Variants in LAMA2 observed in about 807,000 individuals in gnomAD.
LAMA2 encodes laminin subunit alpha-2.
LAMA2 carries 269 observed loss-of-function variants against 364.8 expected under a neutral mutation model. The observed-to-expected ratio is 0.74, with a 90% CI of 0.67 to 0.82. The LOEUF is 0.82. Among genes scored for constraint, LAMA2 ranks in the 40% least tolerant of loss-of-function variants. LAMA2 has a pLI of 0.00. For missense variants in LAMA2, 3,807 were observed against 3,873.2 expected (o/e 0.98, Z 0.45); for synonymous variants, 1,379 against 1,370.6 (o/e 1.01, Z -0.14).
chr6:129,275,409 T>A (rs1788238366), intron 17 of LAMA2, among the ~76,000 whole-genome samples: 2 of 152,010 alleles, frequency 1.3e-5, no homozygotes, highest in African/African-American at 4.8e-5. Context: ...AACTCATATA[T>A]TTTGACTCAC....
chr6:129,480,513 C>T (rs9483035), intron 54 of LAMA2, among the ~76,000 whole-genome samples: 48,645 of 151,782 alleles, frequency 0.32, 8,380 homozygotes, highest in African/African-American at 0.45. Flanking sequence ...ATTTTAAATA[C>T]AGGGAGGAGG....
intron 33 of LAMA2, among the ~76,000 whole-genome samples, chr6:129,367,408 T>A (rs939631271): frequency 1.3e-5 from 2 of 152,164 alleles, no homozygotes; most frequent in African/African-American, 2.4e-5. Context: ...AATCAAGCAA[T>A]TAGCAAGAAT....
chr6:129,488,411 ATT>A (rs1484224089), intron 56 of LAMA2, among the ~76,000 whole-genome samples: 1 of 152,228 alleles, frequency 6.6e-6, no homozygotes, highest in Non-Finnish European at 1.5e-5. Flanking sequence ...AAAATGTGTT[ATT>A]TTGTTGAGAA....
At chr6:129,274,061 G>A (rs1215310335) in intron 17 of LAMA2, among the ~76,000 whole-genome samples, 1 of 151,700 alleles carries the variant, frequency 6.6e-6, no homozygotes, top group Non-Finnish European at 1.5e-5. Flanking sequence ...AGAAAGAGAG[G>A]GCAGTGATAA....
At chr6:129,492,274 A>C in intron 57 of LAMA2, 41 bp from the exon 58 acceptor site, 1 of 1,602,540 alleles carries the variant, frequency 6.2e-7, no homozygotes, top group Non-Finnish European at 8.5e-7. Flanking sequence ...AGGAAGCAAA[A>C]AAACGAAAAT....
intron 15 of LAMA2, among the ~76,000 whole-genome samples, chr6:129,261,681 A>C (rs1417889592): frequency 6.6e-6 from 1 of 152,126 alleles, no homozygotes; most frequent in Non-Finnish European, 1.5e-5. Context: ...CATTTATAGA[A>C]ATACTCTAGG....
chr6:129,406,974 C>T (rs971771196), intron 40 of LAMA2, among the ~76,000 whole-genome samples: 1 of 152,170 alleles, frequency 6.6e-6, no homozygotes. Context: ...TCCAGGAATC[C>T]AAAAGCTGAA....
Position 129,342,357 on chromosome 6 carries a change from C to A in LAMA2, c.4326C>A (p.His1442Gln). ...ETSICQNCQH[H>Q]TAGDFCERCA... ...TTCCTTTACAGAATTGTCAACATCA[C>A]ACTGCTGGTGACTTCTGTGAACGAT... is the stretch of plus-strand genomic sequence containing the variant. The change falls in exon 30 of 65, where the codon CAC (histidine) becomes CAA (glutamine). Residue 1442 changes from histidine to glutamine, a missense_variant. By Grantham distance (24) the His-to-Gln change is conservative. Transcript: ENST00000421865. 6.2e-7 allele frequency: 1 copy of A among 1,613,100 alleles called. No individual in the cohort carries two copies. The highest frequency in any genetic ancestry group is 8.5e-7 in the Non-Finnish European group (1 of 1,179,226).
chr6:129,315,132 A>C (rs1774498191), intron 24 of LAMA2, among the ~76,000 whole-genome samples: 1 of 152,212 alleles, frequency 6.6e-6, no homozygotes, highest in African/African-American at 2.4e-5. Flanking sequence ...AATGAGAACC[A>C]GGACTTGTCA....
Position 129,048,440 on chromosome 6 carries a change from T to TTTTCTTTCTTTC in LAMA2, c.113-1433_113-1422dup, listed in dbSNP as rs1271730400. The stretch of plus-strand genomic sequence containing the variant: ...TTTAGTCAGGAAGGTTTCTTTTTTC[T>TTTTCTTTCTTTC]TTTCTTTCTTTCTTTCTTTCTTTCT... On this transcript the variant is annotated intron_variant, in intron 1 of 64. Coordinates refer to ENST00000421865, the MANE Select transcript of LAMA2 (RefSeq NM_000426.4). Among the ~76,000 whole-genome samples, 195 of 103,974 alleles carry TTTTCTTTCTTTC rather than the reference T, an allele frequency of 1.9e-3. 7 individuals are homozygous for TTTTCTTTCTTTC. The highest frequency in any genetic ancestry group is 2.4e-3 in the Non-Finnish European group (124 of 50,834). The allele number at this position is 103,974 out of a possible 152,430, so 68.2% of individuals were successfully genotyped here.
chr6:129,017,248 T>C (rs1244918107), intron 1 of LAMA2, among the ~76,000 whole-genome samples: 1 of 152,016 alleles, frequency 6.6e-6, no homozygotes, highest in African/African-American at 2.4e-5. Flanking sequence ...TTTTATAAAG[T>C]TCAGCAATTC....
chr6:129,318,424 AT>A (rs1774751002), intron 27 of LAMA2, among the ~76,000 whole-genome samples: 1 of 152,178 alleles, frequency 6.6e-6, no homozygotes, highest in African/African-American at 2.4e-5. Flanking sequence ...GAAAAAAAAA[AT>A]GGTGTATTGC....
At chr6:128,982,688 G>A (rs1038217752) in intron 1 of LAMA2, among the ~76,000 whole-genome samples, 29 of 151,082 alleles carry the variant, frequency 1.9e-4, no homozygotes, top group African/African-American at 6.8e-4. Flanking sequence ...ACATGTGCCT[G>A]CTGGTGTGCT....
At chr6:129,499,874 T>C (rs751768165) in intron 58 of LAMA2, among the ~76,000 whole-genome samples, 15 of 152,048 alleles carry the variant, frequency 9.9e-5, no homozygotes, top group Non-Finnish European at 1.8e-4. Flanking sequence ...TGCAACAACA[T>C]GCCCAGCTAA....
chr6:129,272,516 C>T (rs1788008566), intron 17 of LAMA2, among the ~76,000 whole-genome samples: 1 of 151,980 alleles, frequency 6.6e-6, no homozygotes, highest in Admixed American at 6.6e-5. Context: ...GTTTTAAAAT[C>T]CATGTGCTTT....
At chr6:129,012,998 C>G (rs1399041532) in intron 1 of LAMA2, among the ~76,000 whole-genome samples, 1 of 152,210 alleles carries the variant, frequency 6.6e-6, no homozygotes, top group African/African-American at 2.4e-5. Flanking sequence ...TATTACCTAT[C>G]ACCATCAGGC....
chr6:129,070,566 C>T (rs4897296), intron 3 of LAMA2, among the ~76,000 whole-genome samples: 113,721 of 138,884 alleles, frequency 0.82, 44,540 homozygotes, highest in East Asian at 0.97. Flanking sequence ...CTGTTGTTGT[C>T]ATGATATCCT....
intron 62 of LAMA2, among the ~76,000 whole-genome samples, chr6:129,509,322 A>ATTGT (rs920943069): frequency 2.0e-5 from 3 of 152,038 alleles, no homozygotes; most frequent in African/African-American, 4.8e-5. Context: ...CACTTTGTTG[A>ATTGT]TTGTTTACTT....
chr6:129,300,132 A>G (rs1376780951), intron 21 of LAMA2, among the ~76,000 whole-genome samples: 1 of 152,212 alleles, frequency 6.6e-6, no homozygotes, highest in African/African-American at 2.4e-5. Context: ...AACAAAAATG[A>G]AAAATCTATA....
Sources: gnomAD v4.1 joint callset for allele counts (sites outside exome capture counted in the v4.1 genomes callset) on GRCh38, gnomAD v4.1.1 for gene constraint, MANE v1.5 for transcripts, NCBI Gene and HGNC (gene_info 2026-07-23, HGNC 2026-07-21) for gene names.